The following PBX1 variants were observed in gnomAD, a reference collection of about 807,000 sequenced individuals.
PBX1 encodes the protein PBX homeobox 1.
In PBX1, 6 loss-of-function variants were observed where a neutral mutation model predicts 53.4. That is an observed-to-expected ratio of 0.11 (90% confidence interval 0.06 to 0.22). The LOEUF is 0.22. PBX1 is among the 10% of genes least tolerant of loss of function. The probability of loss-of-function intolerance (pLI) is 1.00; values close to 1 mark genes in which losing one functional copy is unlikely to be tolerated. For missense variants in PBX1, 251 were observed against 551.4 expected (o/e 0.46, Z 5.46); for synonymous variants, 204 against 212.3 (o/e 0.96, Z 0.34).
chr1:164,802,214 T>C (rs1320811766), intron 4 of PBX1, among the ~76,000 whole-genome samples: 1 of 152,250 alleles, frequency 6.6e-6, no homozygotes, highest in African/African-American at 2.4e-5. Context: ...TACCACAAAT[T>C]AAGCAGCTTA....
At chr1:164,834,041 G>GTT (rs1167051287) in intron 8 of PBX1, among the ~76,000 whole-genome samples, 3 of 147,346 alleles carry the variant, frequency 2.0e-5, no homozygotes, top group Non-Finnish European at 4.5e-5. Context: ...GTGTGTGTGT[G>GTT]TGTGTGTGTG....
rs921473870 is a variant in PBX1 at position 164,850,525 on chromosome 1, T to C, written c.*3849T>C. On this transcript the variant is annotated 3_prime_UTR_variant, in exon 9 of 9. Transcript: ENST00000420696. ...TGGTTTGTTTATTGGGGGGCTTTTT[T>C]TAATTGTCAGGATTATGATCTTGCT... is the stretch of plus-strand genomic sequence containing the variant. 1.1e-4 allele frequency: 21 copies of C among 195,378 alleles called. No homozygotes were observed. The highest frequency in any genetic ancestry group is 2.2e-4 in the Non-Finnish European group (21 of 94,068). 12.1% of individuals were successfully genotyped at this position (195,378 alleles called of 1,614,324 possible). A position where few individuals can be genotyped will look rare whatever the true frequency, so the allele number is the denominator to read the frequency against.
chr1:164,714,561 G>A (rs921780584), intron 2 of PBX1, among the ~76,000 whole-genome samples: 1 of 152,154 alleles, frequency 6.6e-6, no homozygotes, highest in Admixed American at 6.5e-5. Flanking sequence ...AAGATATTTA[G>A]GCCTGAGCAT....
intron 2 of PBX1, among the ~76,000 whole-genome samples, chr1:164,738,299 C>G (rs1460351165): frequency 1.3e-5 from 2 of 151,876 alleles, no homozygotes; most frequent in African/African-American, 4.9e-5. Context: ...TACGGTAACT[C>G]TCTCTCTATT....
At chr1:164,767,785 T>C (rs1667142262) in intron 2 of PBX1, among the ~76,000 whole-genome samples, 1 of 152,212 alleles carries the variant, frequency 6.6e-6, no homozygotes, top group Admixed American at 6.5e-5. Context: ...CTTCCACATA[T>C]ATTTCTGGCA....
At chr1:164,615,595 C>T (rs1571071325) in intron 2 of PBX1, among the ~76,000 whole-genome samples, 1 of 152,038 alleles carries the variant, frequency 6.6e-6, no homozygotes, top group South Asian at 2.1e-4. Context: ...TTTTATCTAG[C>T]TTTATTAACA....
intron 2 of PBX1, among the ~76,000 whole-genome samples, chr1:164,631,807 T>C (rs1343138597): frequency 6.6e-6 from 1 of 152,218 alleles, no homozygotes; most frequent in African/African-American, 2.4e-5. Context: ...AATTAAGGAA[T>C]TGGAACTGAT....
chr1:164,821,099 C>T (rs1308302729), intron 7 of PBX1, among the ~76,000 whole-genome samples: 3 of 152,220 alleles, frequency 2.0e-5, no homozygotes, highest in African/African-American at 7.2e-5. Flanking sequence ...GTACTGCTCT[C>T]TCTGTGAGAT....
chr1:164,825,608 C>G (rs180971055), intron 8 of PBX1, among the ~76,000 whole-genome samples: 2 of 152,084 alleles, frequency 1.3e-5, no homozygotes, highest in African/African-American at 4.8e-5. Context: ...TTAAGTCTTT[C>G]TTTTTGGAAA....
intron 2 of PBX1, among the ~76,000 whole-genome samples, chr1:164,678,194 A>T (rs1203802721): frequency 6.6e-6 from 1 of 152,114 alleles, no homozygotes; most frequent in Non-Finnish European, 1.5e-5. Context: ...TAGGATGAGG[A>T]TGTCCTTTGG....
At chr1:164,682,829 A>T (rs1661866991) in intron 2 of PBX1, 1 of 151,994 alleles carries the variant, frequency 6.6e-6, no homozygotes, top group Admixed American at 6.5e-5. Flanking sequence ...TGCCGACGGA[A>T]GGAGTTCTTC....
At chr1:164,653,351 T>G (rs1249745891) in intron 2 of PBX1, among the ~76,000 whole-genome samples, 1 of 152,034 alleles carries the variant, frequency 6.6e-6, no homozygotes, top group African/African-American at 2.4e-5. Flanking sequence ...CTCACTTGTT[T>G]TTTTTTTTTA....
In PBX1 at chr1:164,603,519, A is replaced by T. The variant is rs557571606; in HGVS notation, c.265+40208A>T. 3.3e-5 allele frequency among the ~76,000 whole-genome samples: 5 copies of T among 152,358 alleles called. No homozygotes were observed. The South Asian group carries it at 1.0e-3, about 32-fold the overall frequency. ...CCATTATGTGAAAATACAGATCCACAGATACATATACAAATAAACACTTCC... is the reference window on the plus strand; with the variant it reads ...CCATTATGTGAAAATACAGATCCACTGATACATATACAAATAAACACTTCC... On this transcript the variant is annotated intron_variant, in intron 2 of 8. Transcript: ENST00000420696.
intron 2 of PBX1, among the ~76,000 whole-genome samples, chr1:164,618,308 G>C (rs1053527762): frequency 2.7e-4 from 39 of 145,270 alleles, no homozygotes; most frequent in East Asian, 6.2e-4. Flanking sequence ...GGGGGGGGGG[G>C]GGCACTCAAG....
At chr1:164,664,819 T>C (rs111507004) in intron 2 of PBX1, among the ~76,000 whole-genome samples, 9,932 of 152,222 alleles carry the variant, frequency 0.065, 362 homozygotes, top group South Asian at 0.15. Flanking sequence ...GTTGTAATAC[T>C]GTCAGATCTC....
At chr1:164,618,684 T>G (rs1021236106) in intron 2 of PBX1, among the ~76,000 whole-genome samples, 12 of 152,194 alleles carry the variant, frequency 7.9e-5, no homozygotes, top group Admixed American at 7.9e-4. Context: ...GCCTGAAGAA[T>G]TCATTATAAC....
At chr1:164,803,107 C>G (rs1669166674) in intron 4 of PBX1, among the ~76,000 whole-genome samples, 1 of 152,194 alleles carries the variant, frequency 6.6e-6, no homozygotes, top group Non-Finnish European at 1.5e-5. Context: ...TCTGGTCACA[C>G]TGGCACTCTA....
At chr1:164,691,999 G>A (rs1028771089) in intron 2 of PBX1, among the ~76,000 whole-genome samples, 18 of 152,174 alleles carry the variant, frequency 1.2e-4, no homozygotes, top group African/African-American at 4.1e-4. Flanking sequence ...TGAATCTTGT[G>A]TATAGACATG....
chr1:164,573,686 A>G (rs540856732), intron 2 of PBX1, among the ~76,000 whole-genome samples: 56 of 152,146 alleles, frequency 3.7e-4, no homozygotes, highest in Middle Eastern at 3.4e-3. Context: ...GGGTTTCACC[A>G]TGTCGGCCAG....
Sources: gnomAD v4.1 joint callset for allele counts (sites outside exome capture counted in the v4.1 genomes callset) on GRCh38, gnomAD v4.1.1 for gene constraint, MANE v1.5 for transcripts, NCBI Gene and HGNC (gene_info 2026-07-23, HGNC 2026-07-21) for gene names.